Variants in SCN11A observed in about 807,000 individuals in gnomAD.
The protein encoded by SCN11A is sodium voltage-gated channel alpha subunit 11, also known as sodium channel protein type 11 subunit alpha.
Under a neutral mutation model 162.2 loss-of-function variants are expected in SCN11A, and 122 were observed. The observed-to-expected ratio is 0.75, with a 90% confidence interval of 0.65 to 0.87. The LOEUF is 0.87. Ranked by LOEUF, SCN11A falls within the 40% of genes least tolerant of loss-of-function variation. The probability of loss-of-function intolerance (pLI) is 0.00; values close to 1 mark genes in which losing one functional copy is unlikely to be tolerated. For synonymous variants in SCN11A, 758 were observed against 751.5 expected (o/e 1.01, Z -0.14); for missense variants, 2,015 against 2,181.6 (o/e 0.92, Z 1.52).
intron 3 of SCN11A, among the ~76,000 whole-genome samples, chr3:38,955,188 T>G (rs753078017): frequency 1.3e-4 from 20 of 152,218 alleles, no homozygotes; most frequent in East Asian, 1.9e-4. Flanking sequence ...CTCAGGAGGC[T>G]GAGGCACAAG....
intron 28 of SCN11A, among the ~76,000 whole-genome samples, chr3:38,855,777 A>T (rs2064858407): frequency 6.6e-6 from 1 of 152,106 alleles, no homozygotes; most frequent in Admixed American, 6.5e-5. Flanking sequence ...AGCATACTAA[A>T]TGTATCTACA....
chr3:39,039,736 G>C (rs73064286), intron 1 of SCN11A, among the ~76,000 whole-genome samples: 4,814 of 152,062 alleles, frequency 0.032, 125 homozygotes, highest in Non-Finnish European at 0.049. Flanking sequence ...CCAGTGATGA[G>C]GCTGCCTTAT....
At chr3:38,989,937 T>C (rs1008844246) in intron 2 of SCN11A, among the ~76,000 whole-genome samples, 4 of 152,160 alleles carry the variant, frequency 2.6e-5, no homozygotes, top group Non-Finnish European at 5.9e-5. Flanking sequence ...TCCAAGCCAT[T>C]AGCTTTCCAG....
rs530212357 is a variant in SCN11A at position 38,860,521 on chromosome 3, A to C, written c.4056+2674T>G. ...ATACTAGCTAACTAAATCCAACAGC[A>C]TATCAAAAAGAAAATCCACCATGAT... On this transcript the variant is annotated intron_variant, in intron 28 of 29. Transcript: ENST00000302328. Among the ~76,000 whole-genome samples, 41 of 152,330 alleles carry C rather than the reference A, an allele frequency of 2.7e-4. 1 individual carries two copies. Among genetic ancestry groups the C allele is most frequent in the African/African-American group, 9.1e-4 (38 of 41,586 alleles).
At chr3:38,988,427 T>A (rs535501807) in intron 2 of SCN11A, among the ~76,000 whole-genome samples, 1 of 152,218 alleles carries the variant, frequency 6.6e-6, no homozygotes, top group South Asian at 2.1e-4. Flanking sequence ...CATCCCTCCT[T>A]GTTACAGTTC....
chr3:38,948,756 C>T lies in SCN11A; in HGVS notation c.267+1340G>A, dbSNP rs146460774. Among the ~76,000 whole-genome samples, 1,111 of 152,194 alleles carry T rather than the reference C, an allele frequency of 7.3e-3. 14 individuals are homozygous for T. Among genetic ancestry groups the T allele is most frequent in the Admixed American group, 0.023 (346 of 15,296 alleles). On this transcript the variant is annotated intron_variant, in intron 5 of 29. Transcript: ENST00000302328. ...AAGTGGTGGTCCTAGAATTACCACC[C>T]AGGCTGGAATAGTCCTGTTCTCCCG...
chr3:38,871,347 T>C lies in SCN11A; in HGVS notation c.3759+98A>G, dbSNP rs1320310041. On this transcript the variant is annotated intron_variant, in intron 25 of 29. Transcript: ENST00000302328. ...AAGGAATTAGGATTTGCTTCTATTA[T>C]CACAATGGAGTCACTGCATTTTTAT... 3.3e-6 allele frequency: 4 copies of C among 1,217,248 alleles called. No homozygotes were observed. In the Admixed American group the frequency reaches 1.0e-4, roughly 31 times the overall value. The allele number at this position is 1,217,248 out of a possible 1,614,324, so 75.4% of individuals were successfully genotyped here.
At chr3:38,860,587 T>C (rs908446503) in intron 28 of SCN11A, among the ~76,000 whole-genome samples, 1 of 152,152 alleles carries the variant, frequency 6.6e-6, no homozygotes, top group Admixed American at 6.5e-5. Context: ...TGGTTTAACA[T>C]ACGCAAGTCA....
chr3:38,965,220 G>C (rs2066774452), intron 2 of SCN11A, among the ~76,000 whole-genome samples: 1 of 152,150 alleles, frequency 6.6e-6, no homozygotes, highest in African/African-American at 2.4e-5. Context: ...GCCGTGCCGT[G>C]ATTAAAACAG....
Position 38,946,910 on chromosome 3 carries a change from G to T in SCN11A, c.268-3C>A, listed in dbSNP as rs200598776. 4 of 1,556,336 alleles carry T rather than the reference G, an allele frequency of 2.6e-6. No homozygotes were observed. The East Asian group carries it at 6.7e-5, about 26-fold the overall frequency. The stretch of plus-strand genomic sequence containing the variant: ...TTTCTGTTTAACACCATAAATGTCT[G>T]CAAAACAAAAAAAACAATACAAGAA... On this transcript the variant is annotated splice_region_variant and splice_polypyrimidine_tract_variant and intron_variant, in intron 5 of 29. Transcript: ENST00000302328.
chr3:38,951,347 C>A (rs2066612375), intron 4 of SCN11A, among the ~76,000 whole-genome samples: 1 of 152,246 alleles, frequency 6.6e-6, no homozygotes, highest in Admixed American at 6.5e-5. Flanking sequence ...GGCCCACTGG[C>A]GCTGCACTCG....
At chr3:39,048,959 T>A (rs2032254071) in intron 1 of SCN11A, among the ~76,000 whole-genome samples, 1 of 152,230 alleles carries the variant, frequency 6.6e-6, no homozygotes, top group African/African-American at 2.4e-5. Context: ...CTTCAGATGA[T>A]TCCAGCCCCA....
chr3:38,921,645 T>C (rs1464479908), intron 9 of SCN11A, among the ~76,000 whole-genome samples: 2 of 152,116 alleles, frequency 1.3e-5, no homozygotes, highest in Admixed American at 1.3e-4. Context: ...TAACATTTAG[T>C]AGATACTGTC....
chr3:38,880,302 G>C (rs1026972199), intron 22 of SCN11A, among the ~76,000 whole-genome samples, 179 bp from the exon 23 acceptor site: 7 of 152,164 alleles, frequency 4.6e-5, no homozygotes, highest in African/African-American at 1.7e-4. Flanking sequence ...CCTTGAGTAA[G>C]TAAAAATGGA....
At chr3:38,905,147 C>T in intron 15 of SCN11A, 45 bp downstream of exon 15, 1 of 1,612,544 alleles carries the variant, frequency 6.2e-7, no homozygotes, top group South Asian at 1.1e-5. Flanking sequence ...AATGGAAGGA[C>T]ATCACTGAAG....
chr3:39,046,118 G>A (rs1156247364), intron 1 of SCN11A, among the ~76,000 whole-genome samples: 4 of 152,114 alleles, frequency 2.6e-5, no homozygotes, highest in Non-Finnish European at 4.4e-5. Flanking sequence ...AAATTAGCTG[G>A]GCGTGGTGGC....
At chr3:38,886,688 C>T (rs2065406227) in intron 19 of SCN11A, among the ~76,000 whole-genome samples, 1 of 151,912 alleles carries the variant, frequency 6.6e-6, no homozygotes, top group Non-Finnish European at 1.5e-5. Flanking sequence ...AATGGGTAAA[C>T]ATTTTAAAAG....
At chr3:38,961,129 G>A (rs894751446) in intron 2 of SCN11A, among the ~76,000 whole-genome samples, 2 of 152,204 alleles carry the variant, frequency 1.3e-5, no homozygotes, top group Non-Finnish European at 2.9e-5. Context: ...CAAGGAAGTA[G>A]GTGCTTACGG....
intron 1 of SCN11A, among the ~76,000 whole-genome samples, chr3:39,042,953 A>C: frequency 7.1e-6 from 1 of 141,244 alleles, no homozygotes. Flanking sequence ...GCGAAACTCC[A>C]TCTCAAAAAA....
Sources: gnomAD v4.1 joint callset for allele counts (sites outside exome capture counted in the v4.1 genomes callset) on GRCh38, gnomAD v4.1.1 for gene constraint, MANE v1.5 for transcripts, NCBI Gene and HGNC (gene_info 2026-07-23, HGNC 2026-07-21) for gene names.